The following WASF3 variants were observed in gnomAD, a reference collection of about 807,000 sequenced individuals.
WASF3 encodes WASP family member 3.
In WASF3, 11 loss-of-function variants were observed where a neutral mutation model predicts 46.6. The ratio of observed to expected loss-of-function variants is 0.24; its 90% CI spans 0.15 to 0.39. The LOEUF (loss-of-function observed/expected upper bound fraction) is 0.39, where lower values mean the gene tolerates loss of function less well. WASF3 is among the 10% of genes least tolerant of loss of function. WASF3 has a pLI of 1.00. For missense variants in WASF3, 576 were observed against 669.8 expected (o/e 0.86, Z 1.55); for synonymous variants, 242 against 259.7 (o/e 0.93, Z 0.65).
intron 1 of WASF3, among the ~76,000 whole-genome samples, chr13:26,586,840 C>G (rs1434152427): frequency 6.6e-6 from 1 of 152,126 alleles, no homozygotes; most frequent in Non-Finnish European, 1.5e-5. Flanking sequence ...TTATTTTGTA[C>G]TGACAATTTT....
At chr13:26,653,600 C>T (rs1281279044) in intron 3 of WASF3, among the ~76,000 whole-genome samples, 1 of 152,192 alleles carries the variant, frequency 6.6e-6, no homozygotes, top group African/African-American at 2.4e-5. Flanking sequence ...CTCTCTTCAC[C>T]TGCACAGTGG....
chr13:26,546,661 G>C, the WASF3 span, among the ~76,000 whole-genome samples: 2 of 152,184 alleles, frequency 1.3e-5, no homozygotes, highest in Non-Finnish European at 2.9e-5. Context: ...GTGGTGAGCC[G>C]AGATCGCGGC....
intron 1 of WASF3, among the ~76,000 whole-genome samples, chr13:26,582,763 C>G (rs982035943): frequency 6.8e-6 from 1 of 147,162 alleles, no homozygotes; most frequent in Non-Finnish European, 1.5e-5. Flanking sequence ...TAATAAAGTG[C>G]TTAGTACTGT....
At chr13:26,671,779 A>T in intron 5 of WASF3, 93 bp from the exon 6 acceptor site, 1 of 821,890 alleles carries the variant, frequency 1.2e-6, no homozygotes, top group East Asian at 2.6e-5. Context: ...TAGATGTTAT[A>T]ATTTCATGAG....
At chr13:26,604,388 A>G (rs555557531) in intron 1 of WASF3, among the ~76,000 whole-genome samples, 3 of 152,310 alleles carry the variant, frequency 2.0e-5, no homozygotes, top group African/African-American at 4.8e-5. Context: ...ACTCTTTGCA[A>G]TCAAAGCTGT....
intron 1 of WASF3, among the ~76,000 whole-genome samples, chr13:26,607,726 C>A (rs966316316): frequency 6.6e-6 from 1 of 151,912 alleles, no homozygotes; most frequent in African/African-American, 2.4e-5. Context: ...GTGTCAGCCT[C>A]CCGGGCTCAG....
chr13:26,576,305 C>G (rs924815555), intron 1 of WASF3, among the ~76,000 whole-genome samples: 6 of 152,058 alleles, frequency 3.9e-5, no homozygotes, highest in Non-Finnish European at 5.9e-5. Flanking sequence ...TTCCTGGGTT[C>G]AAGCCACTCC....
intron 2 of WASF3, among the ~76,000 whole-genome samples, chr13:26,625,727 C>G (rs1430835948): frequency 6.6e-6 from 1 of 152,164 alleles, no homozygotes; most frequent in African/African-American, 2.4e-5. Context: ...TTCAGCAGCT[C>G]TGGGTATCTC....
intron 1 of WASF3, chr13:26,609,298 A>G (rs1880899296): frequency 6.6e-6 from 1 of 152,168 alleles, no homozygotes; most frequent in African/African-American, 2.4e-5. Context: ...ATGAGGTATC[A>G]TGAGATAAAC....
At chr13:26,658,653 T>C (rs1211259152) in intron 3 of WASF3, among the ~76,000 whole-genome samples, 1 of 152,250 alleles carries the variant, frequency 6.6e-6, no homozygotes, top group Non-Finnish European at 1.5e-5. Flanking sequence ...GCATAGATCA[T>C]GTGTTTTTCA....
intron 1 of WASF3, among the ~76,000 whole-genome samples, chr13:26,559,410 T>G (rs945595750): frequency 6.6e-6 from 1 of 152,260 alleles, no homozygotes; most frequent in African/African-American, 2.4e-5. Flanking sequence ...AAAATCTGTT[T>G]GCTTTAAAAT....
intron 1 of WASF3, among the ~76,000 whole-genome samples, 170 bp from the exon 2 acceptor site, chr13:26,612,791 G>C (rs1395228159): frequency 6.6e-6 from 1 of 152,094 alleles, no homozygotes; most frequent in Non-Finnish European, 1.5e-5. Context: ...GAATTATACA[G>C]GATTTCACAC....
chr13:26,589,832 G>T (rs1469919184), intron 1 of WASF3, among the ~76,000 whole-genome samples: 2 of 152,142 alleles, frequency 1.3e-5, no homozygotes, highest in African/African-American at 4.8e-5. Context: ...AATTTGACTA[G>T]ATGTATCTGT....
chr13:26,658,994 C>T (rs1882546533), intron 3 of WASF3, among the ~76,000 whole-genome samples: 2 of 152,188 alleles, frequency 1.3e-5, no homozygotes, highest in Admixed American at 1.3e-4. Context: ...GAATCCTTGT[C>T]TTTGTGGATC....
intron 2 of WASF3, among the ~76,000 whole-genome samples, chr13:26,615,937 G>T (rs1443409719): frequency 1.3e-5 from 2 of 152,178 alleles, no homozygotes; most frequent in Non-Finnish European, 2.9e-5. Flanking sequence ...GTTGTTGCAT[G>T]TATCAGTAGT....
intron 1 of WASF3, chr13:26,576,920 G>C (rs1879814757): frequency 1.3e-6 from 1 of 774,326 alleles, no homozygotes; most frequent in Admixed American, 2.0e-5. Context: ...CTTACGAAAG[G>C]AGGCAAAAAG....
upstream of WASF3, among the ~76,000 whole-genome samples, chr13:26,555,074 G>A (rs921024479): frequency 1.2e-4 from 19 of 152,074 alleles, no homozygotes; most frequent in East Asian, 3.8e-4. Context: ...TGTTGTTGCC[G>A]TTAGCTTTTT....
chr13:26,627,297 T>C (rs1231081941), intron 2 of WASF3, among the ~76,000 whole-genome samples: 1 of 152,050 alleles, frequency 6.6e-6, no homozygotes, highest in Non-Finnish European at 1.5e-5. Context: ...TGTGAGCCTC[T>C]CAACAACCTG....
At chr13:26,594,400 G>T (rs990506895) in intron 1 of WASF3, among the ~76,000 whole-genome samples, 1 of 152,132 alleles carries the variant, frequency 6.6e-6, no homozygotes, top group Non-Finnish European at 1.5e-5. Context: ...GATAAATGAA[G>T]GTAAAATCTT....
Sources: allele counts gnomAD v4.1 joint callset (sites outside exome capture counted in the v4.1 genomes callset), GRCh38; gene constraint gnomAD v4.1.1; transcripts MANE v1.5; gene names NCBI Gene and HGNC (gene_info 2026-07-23, HGNC 2026-07-21).